The following GRK4 variants were observed in gnomAD, a reference collection of about 807,000 sequenced individuals.
GRK4 encodes G protein-coupled receptor kinase 4, also known as G protein-coupled receptor kinase 2-like.
GRK4 carries 73 observed loss-of-function variants against 77.9 expected under a neutral mutation model. The observed-to-expected ratio is 0.94, with a 90% CI of 0.78 to 1.14. The LOEUF is 1.14. Among genes scored for constraint, GRK4 ranks in the 50% most tolerant of loss-of-function variants. The pLI, the probability that GRK4 is intolerant of heterozygous loss-of-function variation, is 0.00. For missense variants in GRK4, 729 were observed against 700.2 expected, an observed-to-expected ratio of 1.04 and a Z score of -0.46; for synonymous variants, 257 against 254.4, an observed-to-expected ratio of 1.01 and a Z score of -0.10.
intron 1 of GRK4, among the ~76,000 whole-genome samples, chr4:2,983,155 T>C (rs959446971): frequency 1.2e-4 from 19 of 152,354 alleles, no homozygotes; most frequent in Admixed American, 5.2e-4. Flanking sequence ...ATATCAAGTC[T>C]GTATCTCTAG....
At chr4:2,964,955 AAG>A (rs1048266789) in intron 1 of GRK4, among the ~76,000 whole-genome samples, 3 of 152,192 alleles carry the variant, frequency 2.0e-5, no homozygotes, top group African/African-American at 7.2e-5. Context: ...AAAAAAAAAA[AAG>A]AGGACAAATA....
At chr4:3,019,565 T>A in intron 8 of GRK4, 76 bp from the exon 9 acceptor site, 1 of 1,157,430 alleles carries the variant, frequency 8.6e-7, no homozygotes, top group South Asian at 1.4e-5. Context: ...ATTATTTGCA[T>A]ATTATTAGCA....
intron 15 of GRK4, 38 bp downstream of exon 15, chr4:3,038,551 T>TTA: frequency 7.1e-7 from 1 of 1,411,130 alleles, no homozygotes; most frequent in Non-Finnish European, 9.4e-7. Flanking sequence ...TGTGTGTATG[T>TTA]GAAAAAAAAA....
intron 13 of GRK4, among the ~76,000 whole-genome samples, chr4:3,036,557 C>A (rs9991144): frequency 6.6e-6 from 1 of 152,250 alleles, no homozygotes; most frequent in African/African-American, 2.4e-5. Context: ...GACTTCCGTG[C>A]TTTTTGTTCC....
chr4:2,983,106 A>G (rs2109547873), intron 1 of GRK4, among the ~76,000 whole-genome samples: 1 of 152,334 alleles, frequency 6.6e-6, no homozygotes, highest in Non-Finnish European at 1.5e-5. Context: ...AAGGCTGAGG[A>G]AGAAGCTCTT....
intron 8 of GRK4, among the ~76,000 whole-genome samples, chr4:3,014,296 C>CTCTTTTTTTT (rs757312217): frequency 8.4e-6 from 1 of 119,000 alleles, no homozygotes; most frequent in African/African-American, 3.4e-5. Context: ...CTCTCTCTCT[C>CTCTTTTTTTT]TTTTTTTTTT....
chr4:3,013,564 C>T (rs1483570524), intron 7 of GRK4, 124 bp from the exon 8 acceptor site: 8 of 1,145,626 alleles, frequency 7.0e-6, no homozygotes, highest in South Asian at 3.2e-5. Flanking sequence ...GAAACGGTCT[C>T]GGCTCCTCAT....
chr4:2,989,225 G>C (rs1413784672), intron 3 of GRK4, among the ~76,000 whole-genome samples: 1 of 152,020 alleles, frequency 6.6e-6, no homozygotes, highest in Non-Finnish European at 1.5e-5. Context: ...AATGATGTAG[G>C]AGTGGAGGGA....
At chr4:3,027,803 C>T (rs1334547637) in intron 10 of GRK4, 109 bp from the exon 11 acceptor site, 6 of 806,864 alleles carry the variant, frequency 7.4e-6, no homozygotes, top group Admixed American at 4.4e-5. Context: ...GTATGAAATG[C>T]TATTATTTCC....
intron 15 of GRK4, among the ~76,000 whole-genome samples, chr4:3,039,452 C>T (rs1741779138): frequency 6.6e-6 from 1 of 151,622 alleles, no homozygotes; most frequent in African/African-American, 2.4e-5. Context: ...AATCCCAGCA[C>T]TTTGGGAGGC....
At chr4:3,005,953 C>G (rs1731199877) in intron 5 of GRK4, among the ~76,000 whole-genome samples, 1 of 152,106 alleles carries the variant, frequency 6.6e-6, no homozygotes, top group African/African-American at 2.4e-5. Context: ...GTTCCACACC[C>G]CACAGATAAA....
intron 1 of GRK4, among the ~76,000 whole-genome samples, chr4:2,977,811 G>C (rs1297159148): frequency 6.6e-6 from 1 of 152,210 alleles, no homozygotes; most frequent in Admixed American, 6.5e-5. Flanking sequence ...ACATTCTGTT[G>C]TCCAGATCAC....
intron 7 of GRK4, among the ~76,000 whole-genome samples, chr4:3,010,605 G>T (rs1327313478): frequency 6.6e-6 from 1 of 152,154 alleles, no homozygotes; most frequent in African/African-American, 2.4e-5. Flanking sequence ...AGCAGTTCTG[G>T]TCTGGGGATT....
At chr4:3,011,270 G>C (rs963356382) in intron 7 of GRK4, among the ~76,000 whole-genome samples, 1 of 152,150 alleles carries the variant, frequency 6.6e-6, no homozygotes, top group African/African-American at 2.4e-5. Flanking sequence ...GGACATGTTA[G>C]CAAATTTTAG....
chr4:3,001,073 C>CTATATATATATA lies in GRK4; in HGVS notation c.340-3152_340-3141dup, dbSNP rs368506630. On this transcript the variant is annotated intron_variant, in intron 4 of 15. Coordinates refer to ENST00000398052, the MANE Select transcript of GRK4 (RefSeq NM_182982.3). ...GTGGTGGTTGTAGGGCTAAATGAGA[C>CTATATATATATA]TATATATATATATATATGTGTGTGT... Among the ~76,000 whole-genome samples, 19 of 76,130 alleles carry CTATATATATATA rather than the reference C, an allele frequency of 2.5e-4. 4 individuals are homozygous for CTATATATATATA. Among genetic ancestry groups the CTATATATATATA allele is most frequent in the African/African-American group, 7.9e-4 (12 of 15,132 alleles). The allele number at this position is 76,130 out of a possible 152,430, so 49.9% of individuals were successfully genotyped here. A position where few individuals can be genotyped will look rare whatever the true frequency, so the allele number is the denominator to read the frequency against.
At chr4:3,013,334 G>A (rs556529070) in intron 7 of GRK4, among the ~76,000 whole-genome samples, 1 of 152,204 alleles carries the variant, frequency 6.6e-6, no homozygotes, top group South Asian at 2.1e-4. Context: ...TTGTAGGCAT[G>A]AGCCACCATG....
At chr4:3,026,399 A>G (rs1737573439) in intron 10 of GRK4, among the ~76,000 whole-genome samples, 1 of 152,206 alleles carries the variant, frequency 6.6e-6, no homozygotes, top group South Asian at 2.1e-4. Context: ...CGAAAAAAAT[A>G]AGTCACAACA....
intron 4 of GRK4, among the ~76,000 whole-genome samples, chr4:2,992,547 G>A (rs1463226279): frequency 6.6e-6 from 1 of 152,118 alleles, no homozygotes; most frequent in East Asian, 1.9e-4. Context: ...GCTGGACATG[G>A]TGGTGTGCAT....
chr4:2,974,737 T>G (rs1720595752), intron 1 of GRK4, among the ~76,000 whole-genome samples: 1 of 152,246 alleles, frequency 6.6e-6, no homozygotes, highest in South Asian at 2.1e-4. Flanking sequence ...GGAAAAGTTC[T>G]CTAATGGTGA....
Sources: gnomAD v4.1 joint callset for allele counts (sites outside exome capture counted in the v4.1 genomes callset) on GRCh38, gnomAD v4.1.1 for gene constraint, MANE v1.5 for transcripts, NCBI Gene and HGNC (gene_info 2026-07-23, HGNC 2026-07-21) for gene names.